YARS1: variants seen among roughly 807,000 people sequenced by gnomAD.
The protein encoded by YARS1 is tyrosyl-tRNA synthetase 1, also known as tyrosine--tRNA ligase, cytoplasmic.
In YARS1, 36 loss-of-function variants were observed where a neutral mutation model predicts 62.2. That is an observed-to-expected ratio of 0.58 (90% CI 0.44 to 0.76). The LOEUF is 0.76. Ranked by LOEUF, YARS1 falls within the 30% of genes least tolerant of loss-of-function variation. The pLI is 0.00. For missense variants in YARS1, 524 were observed against 639.8 expected, an observed-to-expected ratio of 0.82 and a Z score of 1.95; for synonymous variants, 234 against 244.9, an observed-to-expected ratio of 0.96 and a Z score of 0.42.
chr1:32,806,159 G>A (rs374972788), intron 4 of YARS1, among the ~76,000 whole-genome samples: 5 of 152,230 alleles, frequency 3.3e-5, no homozygotes, highest in African/African-American at 1.2e-4. Context: ...TGTCTTATAC[G>A]GGCACAGTTT....
Position 32,776,159 on chromosome 1 carries a change from G to A in YARS1, c.1477-68C>T. 7.5e-7 allele frequency: 1 copy of A among 1,333,198 alleles called. No homozygotes were observed. The highest frequency in any genetic ancestry group is 1.1e-6 in the Non-Finnish European group (1 of 942,618). 82.6% of individuals were successfully genotyped at this position (1,333,198 alleles called of 1,614,324 possible). A position where few individuals can be genotyped will look rare whatever the true frequency, so the allele number is the denominator to read the frequency against. On this transcript the variant is annotated intron_variant, in intron 12 of 12. Transcript: ENST00000373477. This position sits in a 1 kb window ranked among gnomAD's most constrained non-coding sequence, Gnocchi z 4.0. ...ACTGCAAGAAAACCCCCCCTTTTTTGGAGGGGGGGCAGAGTTTTGCTCTTG... is the reference window on the plus strand; with the variant it reads ...ACTGCAAGAAAACCCCCCCTTTTTTAGAGGGGGGGCAGAGTTTTGCTCTTG...
intron 4 of YARS1, among the ~76,000 whole-genome samples, chr1:32,804,268 G>A (rs1327936801): frequency 3.9e-5 from 6 of 152,368 alleles, no homozygotes; most frequent in Middle Eastern, 3.4e-3. Flanking sequence ...CCTCCCAGAC[G>A]GGGTGGCCGC....
At chr1:32,797,023 TATATATATATATATATATATATATATAG>T (rs1429426506) in intron 5 of YARS1, among the ~76,000 whole-genome samples, 9 of 47,350 alleles carry the variant, frequency 1.9e-4, no homozygotes, top group African/African-American at 7.3e-4. Context: ...TATATATATA[TATATATATATATATATATATATATATAG>T]TAAGCATTTC....
Position 32,780,237 on chromosome 1 carries a change from C to G in YARS1, c.1182G>C (p.Val394=), listed in dbSNP as rs1388185094. 6.2e-7 allele frequency: 1 copy of G among 1,614,190 alleles called. No homozygotes were observed. Residue 394 remains valine (V), a synonymous_variant, in exon 11 of 13, where the codon GTG becomes GTC. Transcript: ENST00000373477. ...CCACAGTCCGTGGTTCAGCTTCCCC[C>G]ACGTCAATCTTCTCTACATACAGGC... is the stretch of plus-strand genomic sequence containing the variant. ...ADSLYVEKID[V]GEAEPRTVVS...
At chr1:32,815,968 G>A (rs1638711102) in intron 1 of YARS1, among the ~76,000 whole-genome samples, 2 of 152,012 alleles carry the variant, frequency 1.3e-5, no homozygotes, top group African/African-American at 4.8e-5. Context: ...AATTAGCCGG[G>A]CGTGGGGGCG....
Position 32,810,983 on chromosome 1 carries a change from G to T in YARS1, c.132C>A (p.Thr44=), listed in dbSNP as rs754236830. ...AGTAAGCCACATGTGGTTTGCCCGT[G>T]GTTGCCGTTCCCCAGTAAATTTTAA... ...RELKIYWGTA[T]TGKPHVAYFV... is the part of the protein sequence containing the mutation. The change falls in exon 2 of 13, where the codon ACC becomes ACA. Residue 44 remains threonine, a synonymous_variant. Coordinates refer to ENST00000373477, the MANE Select transcript of YARS1 (RefSeq NM_003680.4). 1 of 1,614,074 alleles carries T rather than the reference G, an allele frequency of 6.2e-7. No homozygotes were observed. Among genetic ancestry groups the T allele is most frequent in the Non-Finnish European group, 8.5e-7 (1 of 1,180,032 alleles).
At chr1:32,785,348 C>T (rs1653185796) in intron 8 of YARS1, among the ~76,000 whole-genome samples, 1 of 151,768 alleles carries the variant, frequency 6.6e-6, no homozygotes, top group African/African-American at 2.4e-5. Context: ...GTAATCCCGG[C>T]TACTCAGGAG....
chr1:32,777,469 G>A (rs776324123), intron 12 of YARS1, among the ~76,000 whole-genome samples: 50 of 152,192 alleles, frequency 3.3e-4, no homozygotes, highest in Non-Finnish European at 5.6e-4. Context: ...AAATCAGCTG[G>A]ATGTGGTCGC....
intron 11 of YARS1, 186 bp from the exon 12 acceptor site, chr1:32,779,709 G>A (rs1358929862): frequency 2.2e-5 from 16 of 728,904 alleles, no homozygotes; most frequent in Non-Finnish European, 3.6e-5. Flanking sequence ...CATTAACCCA[G>A]GCTATACCAA....
chr1:32,815,213 G>A (rs1181196910), intron 1 of YARS1, among the ~76,000 whole-genome samples: 1 of 152,122 alleles, frequency 6.6e-6, no homozygotes, highest in Non-Finnish European at 1.5e-5. Context: ...GCCCGGCGTG[G>A]TGGTGCACGT....
At chr1:32,781,017 G>A (rs1557446229) in intron 10 of YARS1, 31 bp downstream of exon 10, 2 of 1,601,412 alleles carry the variant, frequency 1.2e-6, no homozygotes, top group Admixed American at 1.7e-5. Context: ...ACCCCAATCT[G>A]CCTCTCTGAG....
intron 4 of YARS1, 162 bp from the exon 5 acceptor site, chr1:32,798,005 G>C: frequency 1.6e-6 from 1 of 640,346 alleles, no homozygotes; most frequent in Non-Finnish European, 2.8e-6. Context: ...CGAGTAGTTG[G>C]GATTACAGAC....
At chr1:32,801,680 G>A (rs1172797169) in intron 4 of YARS1, among the ~76,000 whole-genome samples, 1 of 152,196 alleles carries the variant, frequency 6.6e-6, no homozygotes, top group East Asian at 1.9e-4. Flanking sequence ...TCTGTCCACA[G>A]CAGAACTTCT....
chr1:32,814,067 A>T (rs180868233), intron 1 of YARS1, among the ~76,000 whole-genome samples: 1 of 152,146 alleles, frequency 6.6e-6, no homozygotes, highest in East Asian at 1.9e-4. Flanking sequence ...TAACTCCCAA[A>T]TCTCCTGCTT....
At chr1:32,785,123 C>T (rs1161107489) in intron 8 of YARS1, among the ~76,000 whole-genome samples, 1 of 152,146 alleles carries the variant, frequency 6.6e-6, no homozygotes, top group African/African-American at 2.4e-5. Context: ...CCACCTGAAT[C>T]CTCATCAAAG....
intron 5 of YARS1, 56 bp from the exon 6 acceptor site, chr1:32,791,310 G>T: frequency 7.1e-7 from 1 of 1,413,634 alleles, no homozygotes; most frequent in Non-Finnish European, 1.0e-6. Flanking sequence ...CCTCCTCAGT[G>T]CCCTGATCTC....
intron 1 of YARS1, among the ~76,000 whole-genome samples, chr1:32,811,907 T>C (rs1638595019): frequency 6.6e-6 from 1 of 152,164 alleles, no homozygotes; most frequent in African/African-American, 2.4e-5. Flanking sequence ...ACTGTCGGAA[T>C]GGACCCCACA....
At chr1:32,790,916 CAA>C (rs1653394015) in intron 6 of YARS1, 4 of 496,466 alleles carry the variant, frequency 8.1e-6, no homozygotes, top group African/African-American at 7.8e-5. Flanking sequence ...GTCGTATGAA[CAA>C]AGACATTACT....
chr1:32,805,229 G>GGGGAGAGGGGGAGA (rs1363933060), intron 4 of YARS1, among the ~76,000 whole-genome samples: 1 of 6,056 alleles, frequency 1.7e-4, no homozygotes, highest in South Asian at 0.01. Context: ...AAAGGGGAGA[G>GGGGAGAGGGGGAGA]GGGGAGAGGG....
Sources: gnomAD v4.1 joint callset for allele counts (sites outside exome capture counted in the v4.1 genomes callset) on GRCh38, gnomAD v4.1.1 for gene constraint, Gnocchi (gnomAD v3.1) non-coding constraint, MANE v1.5 for transcripts, NCBI Gene and HGNC (gene_info 2026-07-23, HGNC 2026-07-21) for gene names.